Variants in ST6GALNAC3 observed in about 807,000 individuals in gnomAD.
The protein encoded by ST6GALNAC3 is ST6 N-acetylgalactosaminide alpha-2,6-sialyltransferase 3, also known as alpha-N-acetylgalactosaminide alpha-2,6-sialyltransferase 3.
Under a neutral mutation model 32.7 loss-of-function variants are expected in ST6GALNAC3, and 25 were observed. The observed-to-expected ratio is 0.76, with a 90% confidence interval of 0.56 to 1.07. ST6GALNAC3 has a LOEUF of 1.07. Ranked by LOEUF, ST6GALNAC3 falls within the 50% of genes least tolerant of loss-of-function variation. ST6GALNAC3 has a pLI of 0.00. For synonymous variants in ST6GALNAC3, 129 were observed against 133.1 expected (o/e 0.97, Z 0.21); for missense variants, 355 against 382.4 (o/e 0.93, Z 0.60).
intron 3 of ST6GALNAC3, among the ~76,000 whole-genome samples, chr1:76,613,427 G>C (rs527436598): frequency 6.6e-6 from 1 of 152,282 alleles, no homozygotes; most frequent in South Asian, 2.1e-4. Context: ...ACCAGATAAA[G>C]TCAGAATTCT....
rs1199747680 is a variant in ST6GALNAC3 at position 76,631,055 on chromosome 1, G to GCT, written c.*2253_*2254dup. 3.8e-5 allele frequency: 37 copies of GCT among 984,418 alleles called. No individual in the cohort carries two copies. Among genetic ancestry groups the GCT allele is most frequent in the Non-Finnish European group, 4.3e-5 (36 of 829,080 alleles). The allele number at this position is 984,418 out of a possible 1,614,324, so 61.0% of individuals were successfully genotyped here. A position where few individuals can be genotyped will look rare whatever the true frequency, so the allele number is the denominator to read the frequency against. ...ATGAGAAACATTTGAAAACTTGCTT[G>GCT]CTCTCCTGCCTCGTTGTAGCTTTCT... is the stretch of plus-strand genomic sequence containing the variant. On this transcript the variant is annotated 3_prime_UTR_variant, in exon 5 of 5. Coordinates refer to ENST00000328299, the MANE Select transcript of ST6GALNAC3 (RefSeq NM_152996.4).
intron 1 of ST6GALNAC3, among the ~76,000 whole-genome samples, chr1:76,092,408 TC>T (rs1350050369): frequency 6.6e-6 from 1 of 152,220 alleles, no homozygotes; most frequent in African/African-American, 2.4e-5. Context: ...CTATTCTGTT[TC>T]ATAACTTGAC....
intron 3 of ST6GALNAC3, among the ~76,000 whole-genome samples, chr1:76,488,906 G>A (rs1292277044): frequency 1.3e-5 from 2 of 152,172 alleles, no homozygotes; most frequent in South Asian, 2.1e-4. Context: ...CAGGCCCAGG[G>A]CAAGCTCCAC....
At chr1:76,490,546 A>G (rs919775185) in intron 3 of ST6GALNAC3, among the ~76,000 whole-genome samples, 6 of 150,760 alleles carry the variant, frequency 4.0e-5, no homozygotes, top group Admixed American at 1.3e-4. Context: ...AGTGTTTTGA[A>G]CACAACTTGC....
At chr1:76,166,431 A>G (rs1162487296) in intron 1 of ST6GALNAC3, among the ~76,000 whole-genome samples, 1 of 152,108 alleles carries the variant, frequency 6.6e-6, no homozygotes, top group Non-Finnish European at 1.5e-5. Context: ...GTCCAGTAGC[A>G]TGATGTGTCC....
At chr1:76,374,182 A>G (rs976774017) in intron 2 of ST6GALNAC3, among the ~76,000 whole-genome samples, 6 of 152,198 alleles carry the variant, frequency 3.9e-5, no homozygotes, top group Non-Finnish European at 8.8e-5. Flanking sequence ...GGCCTTGCAA[A>G]CATTAGCTAA....
intron 3 of ST6GALNAC3, among the ~76,000 whole-genome samples, chr1:76,606,117 G>A (rs1557620267): frequency 6.6e-6 from 1 of 152,198 alleles, no homozygotes; most frequent in East Asian, 1.9e-4. Context: ...CACTCTTGTT[G>A]GGAATGTAAC....
intron 3 of ST6GALNAC3, chr1:76,576,985 A>T: frequency 7.9e-7 from 1 of 1,258,872 alleles, no homozygotes; most frequent in African/African-American, 1.6e-5. Context: ...GCAAGACAAA[A>T]CAAATACCCA....
intron 1 of ST6GALNAC3, among the ~76,000 whole-genome samples, chr1:76,283,420 A>C (rs1402141299): frequency 6.6e-6 from 1 of 152,158 alleles, no homozygotes; most frequent in African/African-American, 2.4e-5. Context: ...TGTGGTCTAG[A>C]GCTCACTGAA....
chr1:76,588,905 T>A (rs315039), intron 3 of ST6GALNAC3, among the ~76,000 whole-genome samples: 2 of 152,054 alleles, frequency 1.3e-5, no homozygotes, highest in Admixed American at 6.5e-5. Flanking sequence ...TTCTTATATA[T>A]CTTTGAATTG....
intron 1 of ST6GALNAC3, among the ~76,000 whole-genome samples, chr1:76,310,871 C>T (rs1646748875): frequency 6.6e-6 from 1 of 152,152 alleles, no homozygotes; most frequent in African/African-American, 2.4e-5. Flanking sequence ...TACCTTCCAC[C>T]TGACTCCTTG....
At chr1:76,532,896 G>T (rs928104566) in intron 3 of ST6GALNAC3, among the ~76,000 whole-genome samples, 3 of 152,172 alleles carry the variant, frequency 2.0e-5, no homozygotes, top group Admixed American at 2.0e-4. Context: ...CACCAATTCT[G>T]CTGTCATTTC....
intron 1 of ST6GALNAC3, among the ~76,000 whole-genome samples, chr1:76,169,708 G>A (rs776211952): frequency 1.3e-4 from 20 of 152,012 alleles, no homozygotes; most frequent in African/African-American, 2.7e-4. Flanking sequence ...AAAGCCAGTC[G>A]TCAAGCTCTG....
intron 1 of ST6GALNAC3, among the ~76,000 whole-genome samples, chr1:76,107,567 A>T (rs1271099581): frequency 6.6e-6 from 1 of 152,182 alleles, no homozygotes; most frequent in Non-Finnish European, 1.5e-5. Flanking sequence ...TTGTCTTATT[A>T]TTCATAGTAC....
chr1:76,523,514 A>G (rs947178462), intron 3 of ST6GALNAC3, among the ~76,000 whole-genome samples: 15 of 152,294 alleles, frequency 9.8e-5, no homozygotes, highest in Admixed American at 5.9e-4. Flanking sequence ...TAGAGAGGCT[A>G]TCACCTTAAT....
At chr1:76,485,207 G>C (rs1660028569) in intron 3 of ST6GALNAC3, among the ~76,000 whole-genome samples, 2 of 152,120 alleles carry the variant, frequency 1.3e-5, no homozygotes, top group African/African-American at 2.4e-5. Context: ...TGTCTACCAG[G>C]CTTTGGTATC....
intron 1 of ST6GALNAC3, among the ~76,000 whole-genome samples, chr1:76,311,909 C>T (rs563783336): frequency 3.3e-5 from 5 of 152,266 alleles, no homozygotes; most frequent in East Asian, 3.9e-4. Flanking sequence ...AGTGTAAAAG[C>T]GTTCCTATTT....
intron 1 of ST6GALNAC3, among the ~76,000 whole-genome samples, chr1:76,122,716 A>G (rs1034936666): frequency 6.6e-6 from 1 of 152,236 alleles, no homozygotes; most frequent in Non-Finnish European, 1.5e-5. Context: ...GAGAATGTTC[A>G]CTGGACCACA....
intron 3 of ST6GALNAC3, among the ~76,000 whole-genome samples, chr1:76,516,012 C>G (rs951750385): frequency 6.6e-6 from 1 of 152,026 alleles, no homozygotes; most frequent in African/African-American, 2.4e-5. Context: ...TGTTAAAGTC[C>G]GATACTATTA....
Sources: gnomAD v4.1 joint callset for allele counts (sites outside exome capture counted in the v4.1 genomes callset) on GRCh38, gnomAD v4.1.1 for gene constraint, MANE v1.5 for transcripts, NCBI Gene and HGNC (gene_info 2026-07-23, HGNC 2026-07-21) for gene names.